LIPG: variants seen among roughly 807,000 people sequenced by gnomAD.
The protein encoded by LIPG is endothelial lipase.
LIPG carries 34 observed loss-of-function variants against 51.8 expected under a neutral mutation model. The observed-to-expected ratio is 0.66, with a 90% CI of 0.50 to 0.87. The LOEUF (loss-of-function observed/expected upper bound fraction) is 0.87, where lower values mean the gene tolerates loss of function less well. LIPG is among the 40% of genes least tolerant of loss of function. The pLI is 0.00. For synonymous variants in LIPG, 246 were observed against 246.1 expected, an observed-to-expected ratio of 1.00 and a Z score of 0.00; for missense variants, 580 against 652.7, an observed-to-expected ratio of 0.89 and a Z score of 1.21.
rs1165264576 is a variant in LIPG at position 49,582,633 on chromosome 18, G to C, written c.1157+151G>C. 3.1e-6 allele frequency: 3 copies of C among 970,424 alleles called. No homozygotes were observed. In the African/African-American group the frequency reaches 4.8e-5, roughly 15 times the overall value. 60.1% of individuals were successfully genotyped at this position (970,424 alleles called of 1,614,324 possible). A position where few individuals can be genotyped will look rare whatever the true frequency, so the allele number is the denominator to read the frequency against. ...GAGCCAGGTGGTCTAGCTGGCCTCT[G>C]CAGTCCTCTCTCCCACTGCACCTTC... On this transcript the variant is annotated intron_variant, in intron 7 of 9. Coordinates refer to ENST00000261292, the MANE Select transcript of LIPG (RefSeq NM_006033.4).
Position 49,569,525 on chromosome 18 carries a change from A to G in LIPG, c.548A>G (p.Lys183Arg). 1 of 1,614,130 alleles carries G rather than the reference A, an allele frequency of 6.2e-7. No individual in the cohort carries two copies. The highest frequency in any genetic ancestry group is 8.5e-7 in the Non-Finnish European group (1 of 1,179,964). ...HVAGYAGNFV[K>R]GTVGRITGLD... The stretch of plus-strand genomic sequence containing the variant: ...GCCGGGTATGCAGGCAACTTCGTGA[A>G]AGGAACGGTGGGCCGAATCACAGGT... Residue 183 changes from lysine (K) to arginine (R), a missense_variant, in exon 4 of 10, where the codon AAA (lysine) becomes AGA (arginine). Physicochemically the swap from Lys to Arg is conservative, Grantham distance 26 (BLOSUM62 2). Transcript: ENST00000261292.
chr18:49,579,226 G>C (rs913859033), intron 5 of LIPG, among the ~76,000 whole-genome samples: 7 of 115,188 alleles, frequency 6.1e-5, no homozygotes, highest in African/African-American at 1.1e-4. Flanking sequence ...GAGGGAGAGG[G>C]AGAGGGAGAG....
At chr18:49,561,526 G>T (rs992852100), upstream of LIPG, 31 of 478,064 alleles carry the variant, frequency 6.5e-5, no homozygotes, top group Admixed American at 8.8e-4. Context: ...GTTATTGTGC[G>T]GCCGCGCCTT....
chr18:49,590,228 T>A (rs1474478533), intron 9 of LIPG: 7 of 553,730 alleles, frequency 1.3e-5, no homozygotes, highest in Non-Finnish European at 2.0e-5. Context: ...GTGGATAATA[T>A]GTAAATGCAA....
rs1037211381 is a variant in LIPG, at chr18:49,594,923, G to A, written c.*4401G>A. 6.6e-6 allele frequency: 1 copy of A among 152,218 alleles called. No individual in the cohort carries two copies. Among genetic ancestry groups the A allele is most frequent in the Non-Finnish European group, 1.5e-5 (1 of 68,046 alleles). 9.4% of individuals were successfully genotyped at this position (152,218 alleles called of 1,614,324 possible). On this transcript the variant is annotated 3_prime_UTR_variant, in exon 10 of 10. Transcript: ENST00000261292. ...AGAAAATTGTTGAAATTTCCCAAAGGAAGAGTCATAGCCTGGATGACTGCA... is the reference window on the plus strand; with the variant it reads ...AGAAAATTGTTGAAATTTCCCAAAGAAAGAGTCATAGCCTGGATGACTGCA...
chr18:49,577,877 GC>G (rs2084742878), intron 5 of LIPG, among the ~76,000 whole-genome samples: 1 of 113,884 alleles, frequency 8.8e-6, no homozygotes, highest in Non-Finnish European at 1.8e-5. Context: ...AGACGGGGTG[GC>G]TGGCCGGGCT....
intron 5 of LIPG, among the ~76,000 whole-genome samples, chr18:49,579,199 A>G (rs1400278329): frequency 1.3e-4 from 1 of 7,656 alleles, no homozygotes; most frequent in African/African-American, 1.2e-3. Flanking sequence ...GGAGAGGGAG[A>G]GGGAGAGGGA....
In LIPG at chr18:49,591,152, CTTAAAA is replaced by C. The variant is rs2084939548; in HGVS notation, c.*635_*640del. On this transcript the variant is annotated 3_prime_UTR_variant, in exon 10 of 10. Coordinates refer to ENST00000261292, the MANE Select transcript of LIPG (RefSeq NM_006033.4). Reference sequence around the variant, plus strand: ...TAATTGAGCAAATGTCTATTGAACACTTAAAATTAATTAGAATGTGGTAATGGACAT... The same window carrying C: ...TAATTGAGCAAATGTCTATTGAACACTTAATTAGAATGTGGTAATGGACAT... 1.2e-5 allele frequency: 2 copies of C among 161,452 alleles called. No individual in the cohort carries two copies. The highest frequency in any genetic ancestry group is 3.4e-4 in the South Asian group (2 of 5,830). The allele number at this position is 161,452 out of a possible 1,614,324, so 10.0% of individuals were successfully genotyped here.
chr18:49,568,175 C>G (rs112486954), intron 3 of LIPG, among the ~76,000 whole-genome samples: 6,628 of 151,856 alleles, frequency 0.044, 470 homozygotes, highest in African/African-American at 0.15. Flanking sequence ...AACTACAGGC[C>G]TGTGTCACCA....
chr18:49,576,836 T>A (rs2084724381), intron 5 of LIPG, among the ~76,000 whole-genome samples: 1 of 152,098 alleles, frequency 6.6e-6, no homozygotes. Context: ...AGCCTTGAAC[T>A]CCTGGGCTCA....
chr18:49,582,858 G>A (rs1463481299), intron 7 of LIPG, among the ~76,000 whole-genome samples: 1 of 152,246 alleles, frequency 6.6e-6, no homozygotes, highest in Non-Finnish European at 1.5e-5. Flanking sequence ...GGCTATGGGA[G>A]GGGTGCATAG....
chr18:49,569,290 C>A, intron 3 of LIPG, 147 bp from the exon 4 acceptor site: 1 of 743,172 alleles, frequency 1.3e-6, no homozygotes, highest in Non-Finnish European at 2.4e-6. Flanking sequence ...GTAGCATCAC[C>A]AGCAAAGCCA....
intron 7 of LIPG, among the ~76,000 whole-genome samples, chr18:49,583,161 T>A (rs2084841623): frequency 6.6e-6 from 1 of 152,156 alleles, no homozygotes; most frequent in Non-Finnish European, 1.5e-5. Flanking sequence ...AGCATCTGAT[T>A]TTCAGAGCAT....
intron 5 of LIPG, among the ~76,000 whole-genome samples, chr18:49,578,742 T>C (rs1291721725): frequency 6.6e-6 from 1 of 150,566 alleles, no homozygotes; most frequent in Non-Finnish European, 1.5e-5. Flanking sequence ...CATTGAGCAC[T>C]GAGTGAAGGA....
At chr18:49,575,645 A>G in intron 5 of LIPG, 55 bp downstream of exon 5, 1 of 1,458,900 alleles carries the variant, frequency 6.9e-7, no homozygotes, top group Non-Finnish European at 9.5e-7. Context: ...ATCTCCTTCT[A>G]AATCAGCCAG....
chr18:49,586,653 C>T (rs766428450), intron 8 of LIPG, 93 bp from the exon 9 acceptor site: 71 of 890,334 alleles, frequency 8.0e-5, no homozygotes, highest in Non-Finnish European at 1.2e-4. Context: ...AAATTTCACC[C>T]CTGCCTCCTC....
rs62101702 is a variant in LIPG, at chr18:49,596,573, T to G, written c.*6051T>G. 0.055 allele frequency: 7,698 copies of G among 140,702 alleles called. 249 individuals are homozygous for G. Among genetic ancestry groups the G allele is most frequent in the South Asian group, 0.15 (684 of 4,476 alleles). 8.7% of individuals were successfully genotyped at this position (140,702 alleles called of 1,614,324 possible). A position where few individuals can be genotyped will look rare whatever the true frequency, so the allele number is the denominator to read the frequency against. Reference sequence around the variant, plus strand: ...TCACTTGAACCCAGAAGGCAGAAGTTGCAGTGAGCCTAGATCACGGCACTA... The same window carrying G: ...TCACTTGAACCCAGAAGGCAGAAGTGGCAGTGAGCCTAGATCACGGCACTA... On this transcript the variant is annotated 3_prime_UTR_variant, in exon 10 of 10. Transcript: ENST00000261292.
At chr18:49,573,276 C>T (rs2084682249) in intron 4 of LIPG, among the ~76,000 whole-genome samples, 1 of 152,234 alleles carries the variant, frequency 6.6e-6, no homozygotes, top group Admixed American at 6.5e-5. Context: ...TGTGTCAGTA[C>T]TGCGGTCCTT....
rs1568533506 is a variant in LIPG, at chr18:49,579,773, CTTTTCT to C, written c.794-1638_794-1633del. Among the ~76,000 whole-genome samples, 131 of 63,536 alleles carry C rather than the reference CTTTTCT, an allele frequency of 2.1e-3. 1 individual carries two copies. Among genetic ancestry groups the C allele is most frequent in the African/African-American group, 4.5e-3 (84 of 18,492 alleles). The allele number at this position is 63,536 out of a possible 152,430, so 41.7% of individuals were successfully genotyped here. ...CCTTTCCTTTCCTTTCCTTTCTTTT[CTTTTCT>C]TTTCTTTTCTTTTCTTTTCTTTTCT... On this transcript the variant is annotated intron_variant, in intron 5 of 9. Transcript: ENST00000261292.
Sources: allele counts gnomAD v4.1 joint callset (sites outside exome capture counted in the v4.1 genomes callset), GRCh38; gene constraint gnomAD v4.1.1; transcripts MANE v1.5; gene names NCBI Gene and HGNC (gene_info 2026-07-23, HGNC 2026-07-21).